Variants in GUCY1A2 observed in about 807,000 individuals in gnomAD.
GUCY1A2 encodes guanylate cyclase 1 soluble subunit alpha 2, also known as guanylate cyclase soluble subunit alpha-2.
Under a neutral mutation model 63.5 loss-of-function variants are expected in GUCY1A2, and 27 were observed. The observed-to-expected ratio is 0.43, with a 90% CI of 0.31 to 0.59. The LOEUF (loss-of-function observed/expected upper bound fraction) is 0.59. GUCY1A2 is among the 20% of genes least tolerant of loss of function. The pLI is 0.11. For missense variants in GUCY1A2, 768 were observed against 913.3 expected, an observed-to-expected ratio of 0.84 and a Z score of 2.05; for synonymous variants, 364 against 343.5, an observed-to-expected ratio of 1.06 and a Z score of -0.66.
chr11:106,827,176 T>C, intron 4 of GUCY1A2: 5 of 1,502,976 alleles, frequency 3.3e-6, no homozygotes, highest in Non-Finnish European at 4.6e-6. Context: ...CAAGCCTTCA[T>C]GCCAATCTGG....
At chr11:106,762,317 T>C (rs1369336625) in intron 6 of GUCY1A2, among the ~76,000 whole-genome samples, 1 of 152,072 alleles carries the variant, frequency 6.6e-6, no homozygotes, top group East Asian at 1.9e-4. Flanking sequence ...ATCAGAGAGA[T>C]AAAAACTATA....
chr11:106,908,061 T>C (rs969231099), intron 4 of GUCY1A2, among the ~76,000 whole-genome samples: 1 of 152,110 alleles, frequency 6.6e-6, no homozygotes, highest in Admixed American at 6.6e-5. Context: ...ATAACACACA[T>C]CTAAATATTA....
chr11:106,715,909 T>TA (rs1375070974), intron 6 of GUCY1A2, among the ~76,000 whole-genome samples: 1 of 152,182 alleles, frequency 6.6e-6, no homozygotes, highest in African/African-American at 2.4e-5. Context: ...GCTACAAAGT[T>TA]AAAGTATAAA....
Position 106,681,819 on chromosome 11 carries a change from T to C in GUCY1A2, c.*5730A>G, listed in dbSNP as rs1862438809. 1 of 217,712 alleles carries C rather than the reference T, an allele frequency of 4.6e-6. No homozygotes were observed. The highest frequency in any genetic ancestry group is 2.2e-5 in the African/African-American group (1 of 44,486). 13.5% of individuals were successfully genotyped at this position (217,712 alleles called of 1,614,324 possible). A position where few individuals can be genotyped will look rare whatever the true frequency, so the allele number is the denominator to read the frequency against. ...ATGGCTTAAATTATTGCTTGAAAGGTTGTTACACGGTATTGCTTGGAAATC... is the reference window on the plus strand; with the variant it reads ...ATGGCTTAAATTATTGCTTGAAAGGCTGTTACACGGTATTGCTTGGAAATC... On this transcript the variant is annotated 3_prime_UTR_variant, in exon 8 of 8. Transcript: ENST00000526355.
intron 3 of GUCY1A2, among the ~76,000 whole-genome samples, chr11:106,968,569 T>A (rs1485977494): frequency 6.6e-6 from 1 of 152,208 alleles, no homozygotes; most frequent in Non-Finnish European, 1.5e-5. Flanking sequence ...TCTTGTTTAG[T>A]TGACTTCTAT....
intron 1 of GUCY1A2, among the ~76,000 whole-genome samples, chr11:107,013,306 A>C: frequency 6.6e-6 from 1 of 152,122 alleles, no homozygotes; most frequent in Non-Finnish European, 1.5e-5. Context: ...ATATGACTCT[A>C]GTGGTGTATC....
chr11:106,778,322 T>C (rs1371171861), intron 5 of GUCY1A2, among the ~76,000 whole-genome samples: 1 of 152,246 alleles, frequency 6.6e-6, no homozygotes, highest in African/African-American at 2.4e-5. Context: ...CTTTATTCTG[T>C]TTCCACAGCA....
chr11:106,882,298 A>G (rs1354544244), intron 4 of GUCY1A2, among the ~76,000 whole-genome samples: 1 of 152,038 alleles, frequency 6.6e-6, no homozygotes, highest in African/African-American at 2.4e-5. Flanking sequence ...AAGACACAGT[A>G]GGAGTAGGCT....
chr11:107,003,002 A>G (rs576593716), intron 1 of GUCY1A2, among the ~76,000 whole-genome samples: 1 of 152,280 alleles, frequency 6.6e-6, no homozygotes, highest in Admixed American at 6.5e-5. Flanking sequence ...GAATGCCTCT[A>G]AAGAGACCCT....
chr11:107,012,321 G>A (rs1861758737), intron 1 of GUCY1A2, among the ~76,000 whole-genome samples: 2 of 149,702 alleles, frequency 1.3e-5, no homozygotes, highest in South Asian at 2.1e-4. Flanking sequence ...TTCCAATTAG[G>A]TGACTAGCAA....
chr11:106,801,851 T>C (rs1320583933), intron 5 of GUCY1A2, among the ~76,000 whole-genome samples: 3 of 152,200 alleles, frequency 2.0e-5, no homozygotes, highest in East Asian at 1.9e-4. Flanking sequence ...ACTCCTACTA[T>C]GTACCCACAA....
At position 106,824,047 on chromosome 11, in the gene GUCY1A2, T is replaced by C. The variant is rs561580359; in HGVS notation, c.1207-13569A>G. ...AAAAGCTTTCTTATTGTTGGCATTT[T>C]CTGCAGAGAAGACTACAGTTTTACA... On this transcript the variant is annotated intron_variant, in intron 4 of 7. Coordinates refer to ENST00000526355, the MANE Select transcript of GUCY1A2 (RefSeq NM_000855.3). The C allele has an allele frequency of 2.2e-4, 319 of 1,433,128 alleles. 3 individuals carry two copies. In the South Asian group the frequency reaches 4.0e-3, roughly 18 times the overall value. 88.8% of individuals were successfully genotyped at this position (1,433,128 alleles called of 1,614,324 possible). A position where few individuals can be genotyped will look rare whatever the true frequency, so the allele number is the denominator to read the frequency against.
At chr11:106,748,434 A>G (rs925641343) in intron 6 of GUCY1A2, among the ~76,000 whole-genome samples, 2 of 152,220 alleles carry the variant, frequency 1.3e-5, no homozygotes, top group Admixed American at 1.3e-4. Context: ...CTATATGTAT[A>G]TGAATTGGGA....
chr11:106,715,015 T>C (rs1863190552), intron 6 of GUCY1A2, among the ~76,000 whole-genome samples: 1 of 152,234 alleles, frequency 6.6e-6, no homozygotes, highest in Non-Finnish European at 1.5e-5. Flanking sequence ...TCCTAGGGAT[T>C]TATTGAAAAA....
chr11:106,737,095 C>T (rs574271895), intron 6 of GUCY1A2, among the ~76,000 whole-genome samples: 3 of 152,254 alleles, frequency 2.0e-5, no homozygotes, highest in African/African-American at 7.2e-5. Context: ...GTAACTCAAA[C>T]TGTCATTGCT....
intron 3 of GUCY1A2, among the ~76,000 whole-genome samples, chr11:106,957,104 T>C (rs1191874020): frequency 6.6e-6 from 1 of 152,160 alleles, no homozygotes; most frequent in Non-Finnish European, 1.5e-5. Flanking sequence ...GGGACAAGTC[T>C]TGGGAGCAAG....
chr11:106,837,836 C>A (rs1433943453), intron 4 of GUCY1A2, among the ~76,000 whole-genome samples: 1 of 151,918 alleles, frequency 6.6e-6, no homozygotes, highest in Non-Finnish European at 1.5e-5. Flanking sequence ...CCCCACCATA[C>A]TATTAGTTTC....
chr11:106,728,273 G>C (rs185857092), intron 6 of GUCY1A2, among the ~76,000 whole-genome samples: 1 of 152,014 alleles, frequency 6.6e-6, no homozygotes, highest in African/African-American at 2.4e-5. Context: ...CTCAGCAAAC[G>C]ATCTCCTGAC....
chr11:106,957,078 G>C (rs1159809073), intron 3 of GUCY1A2, among the ~76,000 whole-genome samples: 1 of 152,196 alleles, frequency 6.6e-6, no homozygotes, highest in Admixed American at 6.5e-5. Flanking sequence ...TGCCACAGAG[G>C]GTGTGTTGGG....
Sources: allele counts gnomAD v4.1 joint callset (sites outside exome capture counted in the v4.1 genomes callset), GRCh38; gene constraint gnomAD v4.1.1; transcripts MANE v1.5; gene names NCBI Gene and HGNC (gene_info 2026-07-23, HGNC 2026-07-21).